The following PITPNB variants were observed in gnomAD, a reference collection of about 807,000 sequenced individuals.
The protein encoded by PITPNB is phosphatidylinositol transfer protein beta isoform.
A neutral mutation model predicts 45.9 loss-of-function variants in PITPNB; 16 were observed. That is an observed-to-expected ratio of 0.35 (90% CI 0.24 to 0.53). The LOEUF is 0.53. Ranked by LOEUF, PITPNB falls within the 20% of genes least tolerant of loss-of-function variation. The pLI, the probability that PITPNB is intolerant of heterozygous loss-of-function variation, is 0.93. For synonymous variants in PITPNB, 112 were observed against 108.9 expected (o/e 1.03, Z -0.18); for missense variants, 188 against 330.5 (o/e 0.57, Z 3.34).
chr22:27,853,987 G>C (rs935516928), intron 11 of PITPNB, among the ~76,000 whole-genome samples: 1 of 151,174 alleles, frequency 6.6e-6, no homozygotes, highest in Non-Finnish European at 1.5e-5. Flanking sequence ...GGGGAATCTT[G>C]GAAGAGTTAC....
rs1001539236 is a variant in PITPNB at position 27,858,023 on chromosome 22, T to C, written c.768+364A>G. ...TTAACATTTGTTAAGCTTGCTGTGA[T>C]ACAAACTGAGCCAAAAGCAACTTAG... On this transcript the variant is annotated intron_variant, in intron 10 of 11. Transcript: ENST00000335272. 6.6e-5 allele frequency among the ~76,000 whole-genome samples: 10 copies of C among 152,114 alleles called. No homozygotes were observed. In the South Asian group the frequency reaches 1.5e-3, roughly 22 times the overall value.
chr22:27,888,580 G>A (rs1198104407), intron 7 of PITPNB, among the ~76,000 whole-genome samples: 7 of 152,140 alleles, frequency 4.6e-5, no homozygotes, highest in South Asian at 2.1e-4. Context: ...TCATCTGACC[G>A]ATATTTATGA....
At chr22:27,884,774 A>C (rs1168778168) in intron 7 of PITPNB, among the ~76,000 whole-genome samples, 1 of 152,140 alleles carries the variant, frequency 6.6e-6, no homozygotes, top group African/African-American at 2.4e-5. Flanking sequence ...ACATCTCTCA[A>C]TTTAATGCTT....
chr22:27,903,296 C>T (rs1935654889), intron 3 of PITPNB, among the ~76,000 whole-genome samples: 1 of 151,630 alleles, frequency 6.6e-6, no homozygotes, highest in South Asian at 2.1e-4. Flanking sequence ...ATGGAGAAAC[C>T]CCGTCTCTAC....
chr22:27,890,305 CA>C (rs1935236555), intron 7 of PITPNB, among the ~76,000 whole-genome samples: 7 of 151,862 alleles, frequency 4.6e-5, no homozygotes, highest in Admixed American at 3.9e-4. Context: ...ACTTTGCCAC[CA>C]AAAAGTTCTT....
chr22:27,880,946 T>C (rs748038700), intron 7 of PITPNB, among the ~76,000 whole-genome samples: 1 of 152,196 alleles, frequency 6.6e-6, no homozygotes, highest in Non-Finnish European at 1.5e-5. Context: ...TCCTTGCTAA[T>C]GTTTAAGCAA....
chr22:27,910,727 C>T, intron 3 of PITPNB: 1 of 393,470 alleles, frequency 2.5e-6, no homozygotes, highest in South Asian at 5.1e-5. Flanking sequence ...CTCTGTGTTA[C>T]AAATATTTGA....
chr22:27,910,915 C>G, intron 3 of PITPNB, 49 bp downstream of exon 3: 1 of 1,468,172 alleles, frequency 6.8e-7, no homozygotes, highest in Non-Finnish European at 9.5e-7. Context: ...TTACATGCAT[C>G]ATAAGTAAGC....
intron 2 of PITPNB, among the ~76,000 whole-genome samples, chr22:27,912,365 C>G (rs1476756898): frequency 6.6e-6 from 1 of 152,186 alleles, no homozygotes; most frequent in African/African-American, 2.4e-5. Flanking sequence ...GGCCTGCAGA[C>G]AGGACTGCAT....
intron 7 of PITPNB, among the ~76,000 whole-genome samples, chr22:27,889,017 G>C (rs1318629410): frequency 6.6e-6 from 1 of 152,190 alleles, no homozygotes; most frequent in Non-Finnish European, 1.5e-5. Context: ...GGCCTCAGGA[G>C]GTTAGCCCTG....
chr22:27,896,459 A>G, intron 6 of PITPNB, 93 bp downstream of exon 6: 1 of 851,210 alleles, frequency 1.2e-6, no homozygotes, highest in Non-Finnish European at 2.0e-6. Context: ...TCAGATACAC[A>G]GGTGACATTA....
intron 7 of PITPNB, among the ~76,000 whole-genome samples, chr22:27,884,785 T>G (rs557628020): frequency 1.0e-3 from 158 of 152,312 alleles, no homozygotes; most frequent in Middle Eastern, 3.4e-3. Flanking sequence ...TTTAATGCTT[T>G]TATATCATTA....
At chr22:27,897,614 T>C (rs1239237434) in intron 4 of PITPNB, among the ~76,000 whole-genome samples, 187 bp downstream of exon 4, 4 of 152,188 alleles carry the variant, frequency 2.6e-5, no homozygotes, top group African/African-American at 7.2e-5. Flanking sequence ...AATGAACTTA[T>C]GCCTGTCACA....
chr22:27,894,707 C>T, intron 6 of PITPNB, 69 bp from the exon 7 acceptor site: 1 of 870,790 alleles, frequency 1.1e-6, no homozygotes, highest in East Asian at 2.4e-5. Flanking sequence ...CACATATAAT[C>T]TTTATCTTGA....
At chr22:27,894,502 A>G in intron 7 of PITPNB, 53 bp downstream of exon 7, 2 of 982,380 alleles carry the variant, frequency 2.0e-6, no homozygotes, top group Non-Finnish European at 3.2e-6. Flanking sequence ...ATAGTAGAAA[A>G]TAATTTTTAA....
At chr22:27,878,325 A>C (rs1934876812) in intron 7 of PITPNB, among the ~76,000 whole-genome samples, 1 of 152,238 alleles carries the variant, frequency 6.6e-6, no homozygotes, top group African/African-American at 2.4e-5. Flanking sequence ...ACGAATAACT[A>C]ACTCAAGCTG....
intron 2 of PITPNB, among the ~76,000 whole-genome samples, 174 bp downstream of exon 2, chr22:27,914,143 A>C (rs1249388384): frequency 6.6e-6 from 1 of 152,240 alleles, no homozygotes; most frequent in Non-Finnish European, 1.5e-5. Context: ...GAAATTCATT[A>C]TCATTCATTT....
chr22:27,894,391 G>A, intron 7 of PITPNB, 164 bp downstream of exon 7: 2 of 527,666 alleles, frequency 3.8e-6, no homozygotes, highest in South Asian at 2.9e-5. Flanking sequence ...TCTCTTTGCT[G>A]CACAGACGTA....
intron 3 of PITPNB, among the ~76,000 whole-genome samples, chr22:27,907,945 GA>G (rs1935810993): frequency 6.6e-6 from 1 of 151,920 alleles, no homozygotes; most frequent in Non-Finnish European, 1.5e-5. Flanking sequence ...TAGGAATGGA[GA>G]AGTTGTTCTA....
Sources: gnomAD v4.1 joint callset for allele counts (sites outside exome capture counted in the v4.1 genomes callset) on GRCh38, gnomAD v4.1.1 for gene constraint, MANE v1.5 for transcripts, NCBI Gene and HGNC (gene_info 2026-07-23, HGNC 2026-07-21) for gene names.